CACHD1: variants seen among roughly 807,000 people sequenced by gnomAD.
CACHD1 encodes VWFA and cache domain-containing protein 1.
A neutral mutation model predicts 138.7 loss-of-function variants in CACHD1; 71 were observed. That is an observed-to-expected ratio of 0.51 (90% CI 0.42 to 0.62). The LOEUF is 0.62. CACHD1 is among the 20% of genes least tolerant of loss of function. The pLI is 0.00. For synonymous variants in CACHD1, 578 were observed against 591.5 expected (o/e 0.98, Z 0.33); for missense variants, 1,389 against 1,625.3 (o/e 0.85, Z 2.50).
At chr1:64,516,666 A>T (rs577092539) in intron 1 of CACHD1, among the ~76,000 whole-genome samples, 1 of 152,182 alleles carries the variant, frequency 6.6e-6, no homozygotes, top group Non-Finnish European at 1.5e-5. Context: ...TTACTCACAC[A>T]TTGACCTCAG....
At chr1:64,568,558 G>A (rs954567049) in intron 2 of CACHD1, among the ~76,000 whole-genome samples, 5 of 152,120 alleles carry the variant, frequency 3.3e-5, no homozygotes, top group African/African-American at 1.2e-4. Context: ...TTGGGATTTG[G>A]AGCCATCTTG....
intron 2 of CACHD1, among the ~76,000 whole-genome samples, chr1:64,574,802 C>G (rs552762240): frequency 6.6e-6 from 1 of 152,160 alleles, no homozygotes; most frequent in Non-Finnish European, 1.5e-5. Context: ...AGAAAAATAA[C>G]TTGCCTCGTC....
At position 64,482,117 on chromosome 1, in the gene CACHD1, G is replaced by A. The variant is rs184178539; in HGVS notation, c.198+11175G>A. Among the ~76,000 whole-genome samples, 525 of 152,248 alleles carry A rather than the reference G, an allele frequency of 3.4e-3. 3 individuals carry two copies. The highest frequency in any genetic ancestry group is 0.012 in the African/African-American group (505 of 41,538). On this transcript the variant is annotated intron_variant, in intron 1 of 26. Coordinates refer to ENST00000651257, the MANE Select transcript of CACHD1 (RefSeq NM_020925.4). ...TCTGTATTACTGGTAGCATATGTCT[G>A]TGTATTTAAATATTTTAAGAGTTTT...
chr1:64,624,161 T>C (rs1463091283), intron 4 of CACHD1, among the ~76,000 whole-genome samples: 1 of 152,228 alleles, frequency 6.6e-6, no homozygotes, highest in Non-Finnish European at 1.5e-5. Flanking sequence ...CATCTTCTGC[T>C]AGTACCAAAT....
At chr1:64,490,063 T>C (rs1001962507) in intron 1 of CACHD1, among the ~76,000 whole-genome samples, 1 of 152,232 alleles carries the variant, frequency 6.6e-6, no homozygotes, top group Non-Finnish European at 1.5e-5. Context: ...CCTAATTCCC[T>C]TGGCCAGAGG....
At position 64,666,821 on chromosome 1, in the gene CACHD1, C is replaced by G. The variant is rs72673385; in HGVS notation, c.2387+654C>G. Among the ~76,000 whole-genome samples the G allele has an allele frequency of 2.9e-3, 415 of 143,570 alleles. 3 individuals are homozygous for G. Among genetic ancestry groups the G allele is most frequent in the Admixed American group, 6.6e-3 (91 of 13,852 alleles). 94.2% of individuals were successfully genotyped at this position (143,570 alleles called of 152,430 possible). On this transcript the variant is annotated intron_variant, in intron 16 of 26. Coordinates refer to ENST00000651257, the MANE Select transcript of CACHD1 (RefSeq NM_020925.4). Reference sequence around the variant, plus strand: ...CTGGGAGTTTGAGGCTGCACTCTAGCCTGGGTGACAGCGTGAGATCCTGTC... The same window carrying G: ...CTGGGAGTTTGAGGCTGCACTCTAGGCTGGGTGACAGCGTGAGATCCTGTC...
At chr1:64,621,186 A>G (rs1025074359) in intron 4 of CACHD1, among the ~76,000 whole-genome samples, 2 of 152,356 alleles carry the variant, frequency 1.3e-5, no homozygotes, top group African/African-American at 2.4e-5. Context: ...CTTGCTCATC[A>G]GTGGTCACAG....
intron 4 of CACHD1, among the ~76,000 whole-genome samples, chr1:64,604,464 G>A (rs1217724359): frequency 6.6e-6 from 1 of 152,206 alleles, no homozygotes; most frequent in Non-Finnish European, 1.5e-5. Flanking sequence ...TGGAAATCGA[G>A]TCTCCAGGTT....
intron 7 of CACHD1, among the ~76,000 whole-genome samples, chr1:64,640,235 C>T (rs1648659400): frequency 6.6e-6 from 1 of 152,198 alleles, no homozygotes; most frequent in South Asian, 2.1e-4. Context: ...CATGGAATCA[C>T]TAAGGGACCA....
At chr1:64,541,549 T>C (rs1646677332) in intron 1 of CACHD1, among the ~76,000 whole-genome samples, 1 of 152,346 alleles carries the variant, frequency 6.6e-6, no homozygotes, top group East Asian at 1.9e-4. Context: ...GGTTTACACC[T>C]GTAATCCCAG....
chr1:64,584,179 A>G (rs946964258), intron 3 of CACHD1, among the ~76,000 whole-genome samples: 9 of 152,136 alleles, frequency 5.9e-5, no homozygotes, highest in Non-Finnish European at 1.2e-4. Flanking sequence ...ACATGTGGCA[A>G]TGTCTGGACG....
intron 12 of CACHD1, among the ~76,000 whole-genome samples, chr1:64,657,381 A>G (rs151060750): frequency 2.4e-4 from 36 of 152,228 alleles, no homozygotes; most frequent in African/African-American, 7.5e-4. Context: ...CGGTAACTTT[A>G]TTTTTCTCTT....
At chr1:64,500,343 C>T (rs1646330990) in intron 1 of CACHD1, among the ~76,000 whole-genome samples, 1 of 152,140 alleles carries the variant, frequency 6.6e-6, no homozygotes, top group African/African-American at 2.4e-5. Flanking sequence ...GGCCTTGTGT[C>T]TTCAACATAT....
chr1:64,479,745 G>C (rs1646198147), intron 1 of CACHD1, among the ~76,000 whole-genome samples: 1 of 152,170 alleles, frequency 6.6e-6, no homozygotes, highest in Admixed American at 6.5e-5. Flanking sequence ...TGGCCAGTAT[G>C]CTGTTTTTCT....
chr1:64,590,769 G>T (rs1647093515), intron 3 of CACHD1, among the ~76,000 whole-genome samples: 1 of 151,992 alleles, frequency 6.6e-6, no homozygotes, highest in African/African-American at 2.4e-5. Context: ...TATTTTATTT[G>T]CAGCTACTAT....
chr1:64,569,457 C>G (rs971051789), intron 2 of CACHD1, among the ~76,000 whole-genome samples: 1 of 151,988 alleles, frequency 6.6e-6, no homozygotes, highest in African/African-American at 2.4e-5. Context: ...TTCCTCATTC[C>G]CTTGATTCTC....
intron 2 of CACHD1, 70 bp downstream of exon 2, chr1:64,550,726 C>T (rs1646752793): frequency 9.9e-7 from 1 of 1,005,090 alleles, no homozygotes; most frequent in Non-Finnish European, 1.6e-6. Context: ...GTCACTCTTT[C>T]CAAGCAATCT....
At chr1:64,663,888 G>A (rs752560363) in intron 14 of CACHD1, 51 bp downstream of exon 14, 1 of 1,609,854 alleles carries the variant, frequency 6.2e-7, no homozygotes, top group Admixed American at 1.7e-5. Context: ...CACAGGCCCA[G>A]CAGGGGGTGC....
chr1:64,566,488 C>CCCG lies in CACHD1; in HGVS notation c.262-15666_262-15665insGCC, dbSNP rs1247493270. Among the ~76,000 whole-genome samples the CCCG allele has an allele frequency of 2.7e-4, 39 of 144,688 alleles. 1 individual carries two copies. The East Asian group carries it at 7.0e-3, about 26-fold the overall frequency. 94.9% of individuals were successfully genotyped at this position (144,688 alleles called of 152,430 possible). On this transcript the variant is annotated intron_variant, in intron 2 of 26. Transcript: ENST00000651257. ...ACTGTATGTTTTCAATTCCCCCCCC[C>CCCG]CCACAAGGTATGGGGGAAGTACTGC...
Sources: allele counts gnomAD v4.1 joint callset (sites outside exome capture counted in the v4.1 genomes callset), GRCh38; gene constraint gnomAD v4.1.1; transcripts MANE v1.5; gene names NCBI Gene and HGNC (gene_info 2026-07-23, HGNC 2026-07-21).